The following YJU2 variants were observed in gnomAD, a reference collection of about 807,000 sequenced individuals.
YJU2 encodes the protein splicing factor YJU2.
YJU2 carries 28 observed loss-of-function variants against 39.6 expected under a neutral mutation model. The ratio of observed to expected loss-of-function variants is 0.71; its 90% CI spans 0.52 to 0.97. YJU2 has a LOEUF of 0.97. Among genes scored for constraint, YJU2 ranks in the 50% least tolerant of loss-of-function variants. The pLI, the probability that YJU2 is intolerant of heterozygous loss-of-function variation, is 0.00. For missense variants in YJU2, 328 were observed against 430.4 expected (o/e 0.76, Z 2.11); for synonymous variants, 184 against 182.4 (o/e 1.01, Z -0.07).
chr19:4,253,571 A>G (rs1292093247), intron 3 of YJU2, among the ~76,000 whole-genome samples: 1 of 152,068 alleles, frequency 6.6e-6, no homozygotes, highest in Non-Finnish European at 1.5e-5. Context: ...ACAGCACGAG[A>G]CCCTGTCCCC....
chr19:4,267,573 C>G (rs1376926275), intron 6 of YJU2, 51 bp from the exon 7 acceptor site: 2 of 1,586,518 alleles, frequency 1.3e-6, no homozygotes, highest in African/African-American at 1.3e-5. Context: ...AGGGGCCAGA[C>G]TGGGCCCTGG....
At chr19:4,263,809 CAAAA>C (rs34863832) in intron 6 of YJU2, among the ~76,000 whole-genome samples, 15 of 98,374 alleles carry the variant, frequency 1.5e-4, no homozygotes, top group South Asian at 3.0e-4. Flanking sequence ...GACTCTATCT[CAAAA>C]AAAAAAAAAA....
rs770551051 is a variant in YJU2 at position 4,267,747 on chromosome 19, G to A, written c.832G>A (p.Gly278Arg). The A allele has an allele frequency of 2.9e-5, 47 of 1,612,618 alleles. No individual in the cohort carries two copies. Among genetic ancestry groups the A allele is most frequent in the South Asian group, 2.7e-4 (25 of 91,046 alleles). The change falls in exon 7 of 8, where the codon GGG (glycine) becomes AGG (arginine). Residue 278 changes from glycine to arginine, a missense_variant. By Grantham distance (125) the Gly-to-Arg change is moderately radical (BLOSUM62 -2). This residue lies in a region of YJU2 where 244 missense variants were observed against 264.6 expected (regional missense o/e 0.92). Coordinates refer to ENST00000262962, the MANE Select transcript of YJU2 (RefSeq NM_018074.6). The stretch of plus-strand genomic sequence containing the variant: ...AAAGGCCGACCCGGACTGCAGCAAC[G>A]GGCAGCCTCAGGCGGCCCCCACCCC... ...KAKADPDCSNGQPQAAPTPGA... is the reference protein window; with the variant it reads ...KAKADPDCSNRQPQAAPTPGA...
chr19:4,262,440 C>T (rs3760910), intron 6 of YJU2, among the ~76,000 whole-genome samples: 28,052 of 151,886 alleles, frequency 0.18, 2,934 homozygotes, highest in African/African-American at 0.27. Context: ...CCTCGTGATC[C>T]GCCCGCCTAG....
At chr19:4,248,962 G>A (rs1342541773) in intron 1 of YJU2, among the ~76,000 whole-genome samples, 1 of 152,074 alleles carries the variant, frequency 6.6e-6, no homozygotes, top group Non-Finnish European at 1.5e-5. Context: ...AGAGCTTCCC[G>A]TGTAGACAGC....
chr19:4,258,262 G>T lies in YJU2; in HGVS notation c.426G>T (p.Lys142Asn). 6.4e-7 allele frequency: 1 copy of T among 1,554,422 alleles called. No individual in the cohort carries two copies. Among genetic ancestry groups the T allele is most frequent in the South Asian group, 1.2e-5 (1 of 84,230 alleles). The change falls in exon 5 of 8, where the codon AAG becomes AAT. Residue 142 changes from lysine (K) to asparagine (N), a missense_variant. Around this residue, in one of 2 missense-constraint regions of YJU2, gnomAD observed 244 missense variants for 264.6 expected, o/e 0.92. Coordinates refer to ENST00000262962, the MANE Select transcript of YJU2 (RefSeq NM_018074.6). ...NPMKVLENRT[K>N]DSKLEMEVLE... The stretch of plus-strand genomic sequence containing the variant: ...GCCAGGTGCTGGAGAACCGGACCAA[G>T]GACTCCAAGCTGGAGATGGAGGTGC...
At chr19:4,251,268 G>T in intron 3 of YJU2, 97 bp downstream of exon 3, 4 of 1,176,738 alleles carry the variant, frequency 3.4e-6, no homozygotes, top group Non-Finnish European at 4.9e-6. Context: ...TCTCCATCCA[G>T]GGAATCTCAT....
Position 4,267,766 on chromosome 19 carries a change from C to G in YJU2, c.851C>G (p.Pro284Arg). ...DCSNGQPQAA[P>R]TPGAPQNRKE... ...AGCAACGGGCAGCCTCAGGCGGCCCCCACCCCAGGTAAGGTCACAGAGTTC... is the reference window on the plus strand; with the variant it reads ...AGCAACGGGCAGCCTCAGGCGGCCCGCACCCCAGGTAAGGTCACAGAGTTC... The change falls in exon 7 of 8, where the codon CCC (proline) becomes CGC (arginine). Residue 284 changes from proline (P) to arginine (R), a missense_variant. Physicochemically the swap from Pro to Arg is moderately radical, Grantham distance 103. Around this residue, in one of 2 missense-constraint regions of YJU2, gnomAD observed 244 missense variants for 264.6 expected, o/e 0.92. Transcript: ENST00000262962. 13 of 1,611,788 alleles carry G rather than the reference C, an allele frequency of 8.1e-6. No individual in the cohort carries two copies. Among genetic ancestry groups the G allele is most frequent in the Non-Finnish European group, 1.1e-5 (13 of 1,179,310 alleles).
At chr19:4,258,541 C>A in intron 5 of YJU2, 118 bp downstream of exon 5, 1 of 1,397,692 alleles carries the variant, frequency 7.2e-7, no homozygotes, top group Non-Finnish European at 9.5e-7. Context: ...GGACCCCTTT[C>A]CCACCGCCCA....
At chr19:4,247,436 A>AG (rs1970928288) in intron 1 of YJU2, 1 of 352,044 alleles carries the variant, frequency 2.8e-6, no homozygotes, top group Non-Finnish European at 4.7e-6. Flanking sequence ...ACCACCAGAT[A>AG]GGGTTTTTTT....
chr19:4,261,905 C>T (rs1971073698), intron 5 of YJU2, 89 bp from the exon 6 acceptor site: 2 of 1,418,632 alleles, frequency 1.4e-6, no homozygotes, highest in South Asian at 1.3e-5. Context: ...GGTCTCCAGG[C>T]ACCCAGGCCC....
chr19:4,249,339 C>A lies in YJU2; in HGVS notation c.125+11C>A, dbSNP rs1375390128. Reference sequence around the variant, plus strand: ...CCCCTTCAACATGAGGTGAGCACCCCCTGCGTGACCCCACACACCAGTCAT... The same window carrying A: ...CCCCTTCAACATGAGGTGAGCACCCACTGCGTGACCCCACACACCAGTCAT... On this transcript the variant is annotated intron_variant, in intron 2 of 7. Transcript: ENST00000262962. 1 of 1,567,528 alleles carries A rather than the reference C, an allele frequency of 6.4e-7. No individual in the cohort carries two copies. The highest frequency in any genetic ancestry group is 2.2e-5 in the East Asian group (1 of 44,660).
At position 4,251,190 on chromosome 19, in the gene YJU2, C is replaced by T. The variant is rs779031969; in HGVS notation, c.270+19C>T. 6.2e-7 allele frequency: 1 copy of T among 1,609,310 alleles called. No homozygotes were observed. Among genetic ancestry groups the T allele is most frequent in the Non-Finnish European group, 8.5e-7 (1 of 1,177,486 alleles). On this transcript the variant is annotated intron_variant, in intron 3 of 7. Transcript: ENST00000262962. ...CTTCAAGGTAGGTGAGACGGCCGGC[C>T]AGGCCGGTCCCTCTCCCCCAGCACA... is the stretch of plus-strand genomic sequence containing the variant.
At position 4,263,786 on chromosome 19, in the gene YJU2, G is replaced by A. The variant is rs111491227; in HGVS notation, c.708+1672G>A. On this transcript the variant is annotated intron_variant, in intron 6 of 7. Transcript: ENST00000262962. Reference sequence around the variant, plus strand: ...GATTGTGCCATTGCCCTCCAGCCTGGGCAACAGAGTGAGACTCTATCTCAA... The same window carrying A: ...GATTGTGCCATTGCCCTCCAGCCTGAGCAACAGAGTGAGACTCTATCTCAA... Among the ~76,000 whole-genome samples, 809 of 149,108 alleles carry A rather than the reference G, an allele frequency of 5.4e-3. 8 individuals carry two copies. The highest frequency in any genetic ancestry group is 0.052 in the Middle Eastern group (15 of 286).
At chr19:4,258,653 C>G (rs1316476671) in intron 5 of YJU2, among the ~76,000 whole-genome samples, 3 of 152,220 alleles carry the variant, frequency 2.0e-5, no homozygotes, top group African/African-American at 7.2e-5. Context: ...TTTGTCACAG[C>G]GAGAGGACAC....
intron 6 of YJU2, among the ~76,000 whole-genome samples, chr19:4,264,106 CAA>C (rs1472230479): frequency 7.3e-5 from 11 of 150,816 alleles, no homozygotes; most frequent in Admixed American, 4.6e-4. Flanking sequence ...GCTAAAAATA[CAA>C]AAAATTAGCC....
At chr19:4,250,831 G>A (rs1364589888) in intron 2 of YJU2, among the ~76,000 whole-genome samples, 196 bp from the exon 3 acceptor site, 1 of 152,134 alleles carries the variant, frequency 6.6e-6, no homozygotes, top group Non-Finnish European at 1.5e-5. Context: ...TGAGCCCCAG[G>A]AAGATATGAA....
chr19:4,268,005 T>G (rs1237940013), intron 7 of YJU2, among the ~76,000 whole-genome samples: 1 of 151,006 alleles, frequency 6.6e-6, no homozygotes, highest in Non-Finnish European at 1.5e-5. Context: ...CAGGCTGGAG[T>G]GCAGTGGTGC....
chr19:4,262,453 C>T (rs1167621171), intron 6 of YJU2, among the ~76,000 whole-genome samples: 1 of 152,016 alleles, frequency 6.6e-6, no homozygotes, highest in African/African-American at 2.4e-5. Context: ...CCGCCTAGGC[C>T]TCCCAAAGTG....
Sources: allele counts gnomAD v4.1 joint callset (sites outside exome capture counted in the v4.1 genomes callset), GRCh38; gene constraint gnomAD v4.1.1; regional missense constraint gnomAD v4.1.1; transcripts MANE v1.5; gene names NCBI Gene and HGNC (gene_info 2026-07-23, HGNC 2026-07-21).